Variants in EXTL3 observed in about 807,000 individuals in gnomAD.
The protein encoded by EXTL3 is exostosin like glycosyltransferase 3.
Under a neutral mutation model 69.3 loss-of-function variants are expected in EXTL3, and 27 were observed. That is an observed-to-expected ratio of 0.39 (90% confidence interval 0.29 to 0.54). The LOEUF (loss-of-function observed/expected upper bound fraction) is 0.54, where lower values mean the gene tolerates loss of function less well. Ranked by LOEUF, EXTL3 falls within the 20% of genes least tolerant of loss-of-function variation. The probability of loss-of-function intolerance (pLI) is 0.69; values close to 1 mark genes in which losing one functional copy is unlikely to be tolerated. For missense variants in EXTL3, 1,003 were observed against 1,231.8 expected (o/e 0.81, Z 2.78); for synonymous variants, 511 against 499.4 (o/e 1.02, Z -0.31).
At chr8:28,626,192 T>C (rs1806488399) in intron 1 of EXTL3, among the ~76,000 whole-genome samples, 1 of 149,954 alleles carries the variant, frequency 6.7e-6, no homozygotes, top group Admixed American at 6.7e-5. Flanking sequence ...AAAATTAAAC[T>C]AAAAAAATTT....
intron 1 of EXTL3, among the ~76,000 whole-genome samples, chr8:28,633,801 A>G (rs540902305): frequency 6.6e-6 from 1 of 152,108 alleles, no homozygotes; most frequent in Non-Finnish European, 1.5e-5. Context: ...AGTGGCTGTG[A>G]TGGAGATACG....
intron 1 of EXTL3, among the ~76,000 whole-genome samples, chr8:28,626,495 T>C (rs962620934): frequency 6.6e-6 from 1 of 152,154 alleles, no homozygotes; most frequent in Non-Finnish European, 1.5e-5. Context: ...GGCCAAATGG[T>C]CATGCATTCC....
At chr8:28,690,207 CTCTT>C (rs1341324819) in intron 1 of EXTL3, among the ~76,000 whole-genome samples, 56 of 151,994 alleles carry the variant, frequency 3.7e-4, no homozygotes, top group East Asian at 7.7e-4. Flanking sequence ...TTTTTCTTCT[CTCTT>C]TCTTTCTTTT....
At chr8:28,745,655 C>T (rs1027516933) in intron 6 of EXTL3, among the ~76,000 whole-genome samples, 1 of 152,188 alleles carries the variant, frequency 6.6e-6, no homozygotes, top group African/African-American at 2.4e-5. Flanking sequence ...GACCAGAAGA[C>T]ATGGTCCATG....
chr8:28,744,658 G>A (rs1801847837), intron 6 of EXTL3, among the ~76,000 whole-genome samples: 1 of 152,204 alleles, frequency 6.6e-6, no homozygotes, highest in African/African-American at 2.4e-5. Flanking sequence ...GCCAGGCGTG[G>A]TGGCACGCAC....
At chr8:28,664,463 G>A (rs574329907) in intron 1 of EXTL3, among the ~76,000 whole-genome samples, 13 of 152,272 alleles carry the variant, frequency 8.5e-5, no homozygotes, top group Non-Finnish European at 1.5e-4. Flanking sequence ...GCTCACAGAC[G>A]TGAGCCACTG....
chr8:28,709,768 C>G (rs930159831), intron 1 of EXTL3, among the ~76,000 whole-genome samples: 1 of 152,082 alleles, frequency 6.6e-6, no homozygotes, highest in African/African-American at 2.4e-5. Context: ...AATGTTCCTG[C>G]AGATAATCGC....
At chr8:28,653,125 T>C (rs1458190363) in intron 1 of EXTL3, among the ~76,000 whole-genome samples, 3 of 152,240 alleles carry the variant, frequency 2.0e-5, no homozygotes, top group African/African-American at 7.2e-5. Flanking sequence ...TAGTAGCATA[T>C]AGAATAGTTT....
chr8:28,711,289 C>G (rs905579647), intron 1 of EXTL3, among the ~76,000 whole-genome samples: 3 of 151,914 alleles, frequency 2.0e-5, no homozygotes, highest in Admixed American at 6.6e-5. Flanking sequence ...CTTGATTTTT[C>G]TCTTCTGCTT....
chr8:28,625,282 T>C (rs1290589678), intron 1 of EXTL3, among the ~76,000 whole-genome samples: 1 of 152,206 alleles, frequency 6.6e-6, no homozygotes, highest in African/African-American at 2.4e-5. Context: ...GCCGGCATAT[T>C]TCTTAGACAC....
chr8:28,696,789 AC>A (rs1333718318), upstream of EXTL3: 1 of 152,046 alleles, frequency 6.6e-6, no homozygotes, highest in Non-Finnish European at 1.5e-5. Flanking sequence ...CAAACTCCTG[AC>A]CTCAAGTGAT....
intron 1 of EXTL3, among the ~76,000 whole-genome samples, chr8:28,668,865 C>CTTTTTT (rs999113088): frequency 4.2e-5 from 4 of 94,468 alleles, no homozygotes; most frequent in East Asian, 3.3e-4. Flanking sequence ...GATAGAATCT[C>CTTTTTT]TTTTTTTTTT....
intron 2 of EXTL3, among the ~76,000 whole-genome samples, chr8:28,714,054 G>T (rs769560588): frequency 1.3e-5 from 2 of 151,684 alleles, no homozygotes; most frequent in Non-Finnish European, 2.9e-5. Context: ...TTACAGTTGC[G>T]TGCCACCACA....
chr8:28,749,852 C>A (rs536200193), intron 6 of EXTL3, among the ~76,000 whole-genome samples: 1 of 152,154 alleles, frequency 6.6e-6, no homozygotes, highest in African/African-American at 2.4e-5. Flanking sequence ...TGCTGCCACA[C>A]GCAGCTAATA....
chr8:28,743,205 C>T lies in EXTL3; in HGVS notation c.2541C>T (p.Pro847=), dbSNP rs183182702. 1.2e-6 allele frequency: 2 copies of T among 1,614,198 alleles called. No homozygotes were observed. Among genetic ancestry groups the T allele is most frequent in the East Asian group, 4.5e-5 (2 of 44,890 alleles). Residue 847 remains proline, a synonymous_variant, in exon 6 of 7, where the codon CCC becomes CCT. Transcript: ENST00000220562. ...TTGTCTCCCACATCACTCGGAAGCC[C>T]CCCATCAAGGTGAGGTCCCACCACT... ...NFLVSHITRK[P]PIKVTSRWTF... is the part of the protein sequence containing the mutation.
chr8:28,666,747 G>A (rs1442410721), intron 1 of EXTL3, among the ~76,000 whole-genome samples: 1 of 151,846 alleles, frequency 6.6e-6, no homozygotes, highest in Non-Finnish European at 1.5e-5. Context: ...AGCTAATTTT[G>A]TATTATTAGT....
At chr8:28,747,376 C>T (rs1224204976) in intron 6 of EXTL3, among the ~76,000 whole-genome samples, 2 of 152,146 alleles carry the variant, frequency 1.3e-5, no homozygotes, top group Admixed American at 6.5e-5. Flanking sequence ...TCCAGAGACT[C>T]GGTTCTGAGG....
chr8:28,729,386 G>A (rs975265498), intron 3 of EXTL3, among the ~76,000 whole-genome samples: 3 of 150,752 alleles, frequency 2.0e-5, no homozygotes, highest in African/African-American at 7.3e-5. Flanking sequence ...CATGAGGTCA[G>A]GATTTCAAGA....
intron 3 of EXTL3, 70 bp downstream of exon 3, chr8:28,718,277 TC>T (rs1180581792): frequency 3.2e-5 from 48 of 1,478,818 alleles, no homozygotes; most frequent in East Asian, 3.2e-4. Context: ...TTTTCCAACT[TC>T]CTTCACTTTA....
Sources: gnomAD v4.1 joint callset for allele counts (sites outside exome capture counted in the v4.1 genomes callset) on GRCh38, gnomAD v4.1.1 for gene constraint, MANE v1.5 for transcripts, NCBI Gene and HGNC (gene_info 2026-07-23, HGNC 2026-07-21) for gene names.